Variants in DIMT1 observed in about 807,000 individuals in gnomAD.
DIMT1 encodes the protein dimethyladenosine transferase.
Under a neutral mutation model 43.2 loss-of-function variants are expected in DIMT1, and 36 were observed. The ratio of observed to expected loss-of-function variants is 0.83; its 90% CI spans 0.64 to 1.10. DIMT1 has a LOEUF of 1.10. Among genes scored for constraint, DIMT1 ranks in the 50% least tolerant of loss-of-function variants. The pLI, the probability that DIMT1 is intolerant of heterozygous loss-of-function variation, is 0.00. For synonymous variants in DIMT1, 126 were observed against 130.3 expected, an observed-to-expected ratio of 0.97 and a Z score of 0.22; for missense variants, 341 against 385.3, an observed-to-expected ratio of 0.88 and a Z score of 0.96.
chr5:62,394,054 A>C lies in DIMT1; in HGVS notation c.571-7T>G. On this transcript the variant is annotated splice_polypyrimidine_tract_variant and splice_region_variant and intron_variant, in intron 7 of 11. Transcript: ENST00000199320. Reference sequence around the variant, plus strand: ...TGAAGTTATTCTTTCCCACCTGTTAATGAAAAAGTATTTAAGTAGTACTCA... The same window carrying C: ...TGAAGTTATTCTTTCCCACCTGTTACTGAAAAAGTATTTAAGTAGTACTCA... 6.2e-7 allele frequency: 1 copy of C among 1,610,230 alleles called. No individual in the cohort carries two copies. The highest frequency in any genetic ancestry group is 8.5e-7 in the Non-Finnish European group (1 of 1,179,086).
At chr5:62,401,580 C>CTTTTTTTTTTTT (rs1156327743) in intron 3 of DIMT1, among the ~76,000 whole-genome samples, 1 of 104,404 alleles carries the variant, frequency 9.6e-6, no homozygotes. Context: ...TCATATTTTC[C>CTTTTTTTTTTTT]TTTTTTTTTT....
intron 2 of DIMT1, 148 bp downstream of exon 2, chr5:62,403,125 G>A (rs1445770957): frequency 1.5e-6 from 1 of 686,922 alleles, no homozygotes; most frequent in African/African-American, 1.8e-5. Flanking sequence ...GCAGAAGACA[G>A]CCCAAGAATC....
At chr5:62,393,618 A>T (rs1284350835) in intron 8 of DIMT1, among the ~76,000 whole-genome samples, 1 of 152,238 alleles carries the variant, frequency 6.6e-6, no homozygotes, top group Non-Finnish European at 1.5e-5. Flanking sequence ...GTAAGGTTTT[A>T]TATCAAGTGG....
intron 11 of DIMT1, 130 bp downstream of exon 11, chr5:62,390,746 T>C (rs1241189324): frequency 2.8e-6 from 2 of 716,958 alleles, no homozygotes; most frequent in South Asian, 1.7e-5. Context: ...TACTATTCCA[T>C]GCCATGGAAG....
rs188681034 is a variant in DIMT1, at chr5:62,394,476, T to G, written c.570+8A>C. 1 of 1,613,788 alleles carries G rather than the reference T, an allele frequency of 6.2e-7. No individual in the cohort carries two copies. The highest frequency in any genetic ancestry group is 2.2e-5 in the East Asian group (1 of 44,872). The stretch of plus-strand genomic sequence containing the variant: ...AGAAAAAAGAGAAAGAAAACAAAAT[T>G]CACTTACTTTCATTAGATGGTCCAC... On this transcript the variant is annotated splice_region_variant and intron_variant, in intron 7 of 11. Coordinates refer to ENST00000199320, the MANE Select transcript of DIMT1 (RefSeq NM_014473.4).
rs543081655 is a variant in DIMT1 at position 62,389,034 on chromosome 5, G to A, written c.918C>T (p.Asn306=). Residue 306 remains asparagine, a synonymous_variant, in exon 12 of 12, where the codon AAC becomes AAT. Transcript: ENST00000199320. ...DDFIRLLHGF[N]AEGIHFS is the part of the protein sequence containing the mutation. Reference sequence around the variant, plus strand: ...CCTAGGAAAAATGAATACCTTCTGCGTTGAATCCATGTAGCAATCTGAAAA... The same window carrying A: ...CCTAGGAAAAATGAATACCTTCTGCATTGAATCCATGTAGCAATCTGAAAA... 33 of 1,609,402 alleles carry A rather than the reference G, an allele frequency of 2.1e-5. No homozygotes were observed. The African/African-American group carries it at 2.2e-4, about 11-fold the overall frequency.
chr5:62,398,316 A>G (rs1742572277), intron 6 of DIMT1, 195 bp downstream of exon 6: 1 of 570,400 alleles, frequency 1.8e-6, no homozygotes, highest in Admixed American at 3.2e-5. Context: ...GTCTGGTCTC[A>G]GAAGCAGGAC....
intron 7 of DIMT1, 116 bp downstream of exon 7, chr5:62,394,368 G>T: frequency 8.7e-7 from 1 of 1,147,612 alleles, no homozygotes; most frequent in Non-Finnish European, 1.3e-6. Context: ...CTCGGGACTC[G>T]AGAAGATTGC....
At chr5:62,392,790 G>T in intron 9 of DIMT1, 136 bp downstream of exon 9, 1 of 509,846 alleles carries the variant, frequency 2.0e-6, no homozygotes, top group Non-Finnish European at 3.4e-6. Context: ...AAGCTCTAAA[G>T]ATAGTTTAAA....
chr5:62,401,580 CT>C (rs1156327743), intron 3 of DIMT1, among the ~76,000 whole-genome samples: 5,548 of 104,302 alleles, frequency 0.053, 26 homozygotes, highest in East Asian at 0.068. Context: ...TCATATTTTC[CT>C]TTTTTTTTTT....
chr5:62,392,149 G>A (rs1483770295), intron 10 of DIMT1, 22 bp downstream of exon 10: 2 of 1,608,544 alleles, frequency 1.2e-6, no homozygotes, highest in East Asian at 4.5e-5. Flanking sequence ...CAATGAAACT[G>A]CAGGAACATT....
intron 7 of DIMT1, 73 bp downstream of exon 7, chr5:62,394,411 A>T: frequency 6.7e-7 from 1 of 1,497,222 alleles, no homozygotes; most frequent in East Asian, 2.3e-5. Flanking sequence ...GCAGTGAGCC[A>T]CTGCACTGCA....
intron 8 of DIMT1, 128 bp from the exon 9 acceptor site, chr5:62,393,118 G>A (rs1486902928): frequency 7.3e-6 from 4 of 547,152 alleles, no homozygotes; most frequent in East Asian, 3.2e-5. Flanking sequence ...AAAATGTTCT[G>A]TAATCTTGAT....
At chr5:62,389,527 A>G (rs1333571401) in intron 11 of DIMT1, among the ~76,000 whole-genome samples, 1 of 148,280 alleles carries the variant, frequency 6.7e-6, no homozygotes, top group South Asian at 2.1e-4. Context: ...GACTAAATTT[A>G]TAAGATATGT....
intron 6 of DIMT1, among the ~76,000 whole-genome samples, chr5:62,396,689 C>T (rs1742508456): frequency 6.6e-6 from 1 of 152,158 alleles, no homozygotes; most frequent in East Asian, 1.9e-4. Context: ...AGCTAACTTT[C>T]TCAAAACACT....
At position 62,392,917 on chromosome 5, in the gene DIMT1, A is replaced by C. The variant is rs780259566; in HGVS notation, c.728+9T>G. On this transcript the variant is annotated intron_variant, in intron 9 of 11. Transcript: ENST00000199320. Reference sequence around the variant, plus strand: ...CCCTTTATACATTAGAAATTAGTGTAATACTTACTTAAATGCAGCAGAGAG... The same window carrying C: ...CCCTTTATACATTAGAAATTAGTGTCATACTTACTTAAATGCAGCAGAGAG... The C allele has an allele frequency of 1.8e-5, 28 of 1,596,432 alleles. No homozygotes were observed. The highest frequency in any genetic ancestry group is 2.1e-5 in the Non-Finnish European group (25 of 1,164,484).
At position 62,390,909 on chromosome 5, in the gene DIMT1, C is replaced by T; in HGVS notation, c.866G>A (p.Arg289Gln). ...ILTSTGFSDK[R>Q]ARSMDIDDFI... ...GTCATCTATGTCCATGGAACGGGCC[C>T]GTTTGTCACTAAAACCTGTGCTGGT... The change falls in exon 11 of 12, where the codon CGG (arginine) becomes CAG (glutamine). Residue 289 changes from arginine (R) to glutamine (Q), a missense_variant. Coordinates refer to ENST00000199320, the MANE Select transcript of DIMT1 (RefSeq NM_014473.4). 3 of 1,612,052 alleles carry T rather than the reference C, an allele frequency of 1.9e-6. No homozygotes were observed. The highest frequency in any genetic ancestry group is 1.1e-5 in the South Asian group (1 of 91,006).
chr5:62,403,240 A>G, intron 2 of DIMT1, 33 bp downstream of exon 2: 2 of 1,591,950 alleles, frequency 1.3e-6, no homozygotes, highest in Non-Finnish European at 8.6e-7. Context: ...TTAATAAACC[A>G]ACAACTCTCT....
chr5:62,402,755 A>G (rs542016534), intron 2 of DIMT1, among the ~76,000 whole-genome samples: 22 of 152,336 alleles, frequency 1.4e-4, no homozygotes, highest in Admixed American at 9.8e-4. Flanking sequence ...GCTTTTAACC[A>G]TAAGTGTAAT....
Sources: allele counts gnomAD v4.1 joint callset (sites outside exome capture counted in the v4.1 genomes callset), GRCh38; gene constraint gnomAD v4.1.1; transcripts MANE v1.5; gene names NCBI Gene and HGNC (gene_info 2026-07-23, HGNC 2026-07-21).